The following PRICKLE1 variants were observed in gnomAD, a reference collection of about 807,000 sequenced individuals.
PRICKLE1 encodes the protein prickle-like protein 1.
PRICKLE1 carries 14 observed loss-of-function variants against 70.2 expected under a neutral mutation model. That is an observed-to-expected ratio of 0.20 (90% confidence interval 0.13 to 0.31). PRICKLE1 has a LOEUF of 0.31. Among genes scored for constraint, PRICKLE1 ranks in the 10% least tolerant of loss-of-function variants. PRICKLE1 has a pLI of 1.00. For missense variants in PRICKLE1, 821 were observed against 1,026.2 expected, an observed-to-expected ratio of 0.80 and a Z score of 2.73; for synonymous variants, 357 against 379.9, an observed-to-expected ratio of 0.94 and a Z score of 0.70.
chr12:42,578,066 T>A (rs995826208), intron 1 of PRICKLE1, among the ~76,000 whole-genome samples: 7 of 152,182 alleles, frequency 4.6e-5, no homozygotes, highest in Non-Finnish European at 8.8e-5. Flanking sequence ...TGAAAGTGTT[T>A]TGTGTACTTT....
intron 1 of PRICKLE1, among the ~76,000 whole-genome samples, chr12:42,495,512 G>T (rs1321978374): frequency 6.6e-6 from 1 of 151,846 alleles, no homozygotes; most frequent in African/African-American, 2.4e-5. Flanking sequence ...AATTACAGGT[G>T]TAAGCTACCT....
intron 1 of PRICKLE1, among the ~76,000 whole-genome samples, chr12:42,549,912 C>T (rs1940282989): frequency 6.6e-6 from 1 of 152,062 alleles, no homozygotes; most frequent in South Asian, 2.1e-4. Context: ...GCCTCCCTGT[C>T]TTGCACACAC....
intron 4 of PRICKLE1, among the ~76,000 whole-genome samples, chr12:42,469,125 A>C (rs1469707520): frequency 6.6e-6 from 1 of 152,130 alleles, no homozygotes; most frequent in Non-Finnish European, 1.5e-5. Context: ...CTGCCAGCAA[A>C]GATCTGAATG....
At chr12:42,584,556 C>T (rs966042902) in intron 1 of PRICKLE1, 25 of 150,882 alleles carry the variant, frequency 1.7e-4, no homozygotes, top group Non-Finnish European at 2.4e-4. Flanking sequence ...TTTTTAAAGG[C>T]AACAAAAATG....
chr12:42,510,159 A>G (rs1038172601), intron 1 of PRICKLE1, among the ~76,000 whole-genome samples: 11 of 151,634 alleles, frequency 7.3e-5, no homozygotes, highest in Admixed American at 5.2e-4. Context: ...CAGTGGCGCC[A>G]TCTCTGCTCA....
Position 42,577,188 on chromosome 12 carries a change from C to T in PRICKLE1, c.-49+12277G>A, listed in dbSNP as rs115360351. Among the ~76,000 whole-genome samples the T allele has an allele frequency of 5.5e-3, 832 of 152,304 alleles. 6 individuals carry two copies. The highest frequency in any genetic ancestry group is 0.018 in the African/African-American group (752 of 41,572). On this transcript the variant is annotated intron_variant, in intron 1 of 7. Transcript: ENST00000345127. ...TGAGTACTACTTTAAAAATTGTCCA[C>T]ATTTCCCATGTATAAACATAATAAT...
chr12:42,500,684 ATCTT>A (rs952943366), intron 1 of PRICKLE1, among the ~76,000 whole-genome samples: 2 of 147,120 alleles, frequency 1.4e-5, no homozygotes, highest in East Asian at 1.9e-4. Context: ...TTTTACTAAA[ATCTT>A]TCAGTTTCAA....
At chr12:42,491,305 C>T (rs1939100433) in intron 1 of PRICKLE1, among the ~76,000 whole-genome samples, 1 of 151,508 alleles carries the variant, frequency 6.6e-6, no homozygotes, top group Admixed American at 6.6e-5. Flanking sequence ...GTAATCCTAG[C>T]ACTTTGGGAG....
intron 1 of PRICKLE1, among the ~76,000 whole-genome samples, chr12:42,527,879 T>C (rs1420992829): frequency 6.9e-6 from 1 of 145,374 alleles, no homozygotes; most frequent in African/African-American, 2.5e-5. Context: ...ATCTATTAAA[T>C]AGGGGCTACC....
chr12:42,538,581 G>A (rs527517614), intron 1 of PRICKLE1, among the ~76,000 whole-genome samples: 1 of 152,314 alleles, frequency 6.6e-6, no homozygotes, highest in African/African-American at 2.4e-5. Context: ...CGAGCATGGA[G>A]TATCAAGATT....
chr12:42,501,072 T>C (rs768239776), intron 1 of PRICKLE1, among the ~76,000 whole-genome samples: 1 of 152,222 alleles, frequency 6.6e-6, no homozygotes, highest in Non-Finnish European at 1.5e-5. Flanking sequence ...AGCGATTTAA[T>C]GAAGACTAAA....
chr12:42,466,028 G>C, intron 6 of PRICKLE1, 166 bp downstream of exon 6: 2 of 745,200 alleles, frequency 2.7e-6, no homozygotes, highest in South Asian at 3.3e-5. Flanking sequence ...TCAACTCTCT[G>C]TTCATTTGTC....
chr12:42,543,623 C>T (rs1371049229), intron 1 of PRICKLE1, among the ~76,000 whole-genome samples: 6 of 152,046 alleles, frequency 3.9e-5, no homozygotes, highest in South Asian at 4.1e-4. Context: ...CCTGGGTTCA[C>T]GCCATTCTCC....
intron 6 of PRICKLE1, 48 bp downstream of exon 6, chr12:42,466,146 C>G: frequency 3.8e-6 from 6 of 1,594,416 alleles, no homozygotes; most frequent in Non-Finnish European, 5.2e-6. Flanking sequence ...TAATCCAAGA[C>G]AGACTAATGG....
intron 1 of PRICKLE1, among the ~76,000 whole-genome samples, chr12:42,482,044 C>T (rs996768997): frequency 1.3e-5 from 2 of 152,216 alleles, no homozygotes; most frequent in African/African-American, 4.8e-5. Context: ...GCCATATGCC[C>T]TTTAGTATTT....
chr12:42,554,119 C>T (rs1044606635), intron 1 of PRICKLE1, among the ~76,000 whole-genome samples: 49 of 152,078 alleles, frequency 3.2e-4, no homozygotes, highest in Non-Finnish European at 1.6e-4. Context: ...CAAAACGAAA[C>T]AAACAAACCA....
At position 42,464,833 on chromosome 12, in the gene PRICKLE1, T is replaced by C; in HGVS notation, c.1201A>G (p.Thr401Ala). 2 of 1,613,784 alleles carry C rather than the reference T, an allele frequency of 1.2e-6. No individual in the cohort carries two copies. Among genetic ancestry groups the C allele is most frequent in the Non-Finnish European group, 1.7e-6 (2 of 1,179,966 alleles). Residue 401 changes from threonine (T) to alanine (A), a missense_variant, in exon 7 of 8, where the codon ACT becomes GCT. By Grantham distance (58) the Thr-to-Ala change is moderately conservative. Transcript: ENST00000345127. The surrounding 1 kb of genome is among the most constrained non-coding windows in gnomAD (Gnocchi z 4.2). Reference protein sequence around the residue: ...EFWKGRVEQETPEDPEEWADH... With the variant: ...EFWKGRVEQEAPEDPEEWADH... The stretch of plus-strand genomic sequence containing the variant: ...GCCCATTCTTCAGGGTCTTCTGGAG[T>C]TTCCTGCTCTACTCTGCCTTTCCAA...
intron 1 of PRICKLE1, among the ~76,000 whole-genome samples, chr12:42,515,017 C>T (rs1049907314): frequency 1.3e-5 from 2 of 152,026 alleles, no homozygotes; most frequent in Admixed American, 6.6e-5. Context: ...ACTTCCGCCT[C>T]CCAGGTTCAA....
At chr12:42,572,874 C>T (rs1940741861) in intron 1 of PRICKLE1, among the ~76,000 whole-genome samples, 1 of 152,098 alleles carries the variant, frequency 6.6e-6, no homozygotes, top group Admixed American at 6.6e-5. Context: ...CTATTCTAAC[C>T]ACCAGGAAGT....
Sources: allele counts gnomAD v4.1 joint callset (sites outside exome capture counted in the v4.1 genomes callset), GRCh38; gene constraint gnomAD v4.1.1; non-coding constraint Gnocchi (gnomAD v3.1); transcripts MANE v1.5; gene names NCBI Gene and HGNC (gene_info 2026-07-23, HGNC 2026-07-21).